Variants in CACNA2D1 observed in about 807,000 individuals in gnomAD.
CACNA2D1 encodes the protein calcium voltage-gated channel auxiliary subunit alpha2delta 1, also known as voltage-dependent calcium channel subunit alpha-2/delta-1.
CACNA2D1 carries 53 observed loss-of-function variants against 171.5 expected under a neutral mutation model. The observed-to-expected ratio is 0.31, with a 90% CI of 0.25 to 0.39. The LOEUF (loss-of-function observed/expected upper bound fraction) is 0.39, where lower values mean the gene tolerates loss of function less well. Ranked by LOEUF, CACNA2D1 falls within the 10% of genes least tolerant of loss-of-function variation. CACNA2D1 has a pLI of 1.00. For synonymous variants in CACNA2D1, 442 were observed against 443.1 expected (o/e 1.00, Z 0.03); for missense variants, 903 against 1,299.8 (o/e 0.69, Z 4.69).
intron 3 of CACNA2D1, among the ~76,000 whole-genome samples, chr7:82,271,604 T>C (rs568704613): frequency 2.0e-5 from 3 of 152,230 alleles, no homozygotes; most frequent in Admixed American, 1.3e-4. Context: ...TATTTTTGAA[T>C]AAATATATTC....
chr7:82,435,328 T>G (rs1188747833), intron 1 of CACNA2D1, among the ~76,000 whole-genome samples: 1 of 152,072 alleles, frequency 6.6e-6, no homozygotes, highest in Non-Finnish European at 1.5e-5. Context: ...TGAGCCACCA[T>G]GCCCGGCCCA....
chr7:82,266,808 C>T (rs573925180), intron 3 of CACNA2D1, among the ~76,000 whole-genome samples: 7 of 152,178 alleles, frequency 4.6e-5, no homozygotes, highest in African/African-American at 1.4e-4. Flanking sequence ...TGAGCCACTG[C>T]ACCCAGCCTC....
chr7:82,250,757 T>C (rs1391632498), intron 3 of CACNA2D1, among the ~76,000 whole-genome samples: 3 of 152,184 alleles, frequency 2.0e-5, no homozygotes, highest in Non-Finnish European at 4.4e-5. Flanking sequence ...CTTTTGTCTG[T>C]TCTTCTTTTC....
intron 4 of CACNA2D1, among the ~76,000 whole-genome samples, chr7:82,153,819 T>C (rs1404070075): frequency 1.3e-5 from 2 of 151,102 alleles, no homozygotes; most frequent in Non-Finnish European, 2.9e-5. Context: ...TTCTAAGATA[T>C]ACAATTCTAC....
At chr7:82,037,051 G>T (rs955537313) in intron 11 of CACNA2D1, among the ~76,000 whole-genome samples, 1 of 152,140 alleles carries the variant, frequency 6.6e-6, no homozygotes, top group African/African-American at 2.4e-5. Context: ...GAGAAGTAAG[G>T]TTCCTACTCT....
chr7:82,347,694 T>C (rs1819398687), intron 2 of CACNA2D1, among the ~76,000 whole-genome samples: 1 of 152,160 alleles, frequency 6.6e-6, no homozygotes, highest in South Asian at 2.1e-4. Context: ...TGAATTCTGC[T>C]CTAATACTCC....
intron 6 of CACNA2D1, among the ~76,000 whole-genome samples, chr7:82,090,698 T>A (rs1811050999): frequency 6.6e-6 from 1 of 152,134 alleles, no homozygotes; most frequent in African/African-American, 2.4e-5. Flanking sequence ...TTTTGGAAAC[T>A]TACTATTCCT....
At chr7:81,983,444 T>C in intron 22 of CACNA2D1, 110 bp from the exon 23 acceptor site, 1 of 825,904 alleles carries the variant, frequency 1.2e-6, no homozygotes, top group Non-Finnish European at 2.0e-6. Context: ...ATAAAAATAT[T>C]GTGCATAGAT....
At chr7:82,037,545 A>C (rs1055920147) in intron 11 of CACNA2D1, among the ~76,000 whole-genome samples, 1 of 152,066 alleles carries the variant, frequency 6.6e-6, no homozygotes, top group Non-Finnish European at 1.5e-5. Flanking sequence ...CAGTCTAGAC[A>C]CTGATGAGTG....
At chr7:82,033,476 T>C (rs1802952299) in intron 11 of CACNA2D1, among the ~76,000 whole-genome samples, 1 of 152,098 alleles carries the variant, frequency 6.6e-6, no homozygotes, top group Non-Finnish European at 1.5e-5. Context: ...AAAATGTGTA[T>C]CTTCAATCCA....
chr7:82,259,049 G>A (rs1433140327), intron 3 of CACNA2D1, among the ~76,000 whole-genome samples: 2 of 152,010 alleles, frequency 1.3e-5, no homozygotes, highest in East Asian at 3.9e-4. Flanking sequence ...GGCTGGTCTT[G>A]AAATCCTGAC....
chr7:82,182,953 C>G (rs184856334), intron 3 of CACNA2D1, among the ~76,000 whole-genome samples: 464 of 151,020 alleles, frequency 3.1e-3, no homozygotes, highest in Non-Finnish European at 5.4e-3. Flanking sequence ...AGGAGAATCA[C>G]GTGAACCTGG....
intron 3 of CACNA2D1, among the ~76,000 whole-genome samples, chr7:82,332,618 A>G (rs897650799): frequency 1.4e-4 from 21 of 152,030 alleles, no homozygotes; most frequent in Admixed American, 3.3e-4. Context: ...ATAGTAAACA[A>G]AAAAACCTGA....
intron 1 of CACNA2D1, among the ~76,000 whole-genome samples, chr7:82,383,422 G>A (rs1202848559): frequency 2.0e-5 from 3 of 152,106 alleles, no homozygotes; most frequent in African/African-American, 7.2e-5. Flanking sequence ...AAATAGAGCA[G>A]CAAAAATGTA....
At chr7:82,308,976 T>G (rs1176590609) in intron 3 of CACNA2D1, among the ~76,000 whole-genome samples, 1 of 152,224 alleles carries the variant, frequency 6.6e-6, no homozygotes, top group African/African-American at 2.4e-5. Context: ...ATTTGGAAGT[T>G]GGCAAATGAG....
At chr7:82,038,029 AC>A in intron 11 of CACNA2D1, 47 bp downstream of exon 11, 4 of 1,569,592 alleles carry the variant, frequency 2.5e-6, no homozygotes, top group Non-Finnish European at 3.5e-6. Context: ...AAATTCAGAT[AC>A]TACAATTGAA....
At chr7:82,017,492 T>C (rs564701390) in intron 12 of CACNA2D1, among the ~76,000 whole-genome samples, 2 of 152,254 alleles carry the variant, frequency 1.3e-5, no homozygotes, top group Admixed American at 1.3e-4. Context: ...CTTGGAATTG[T>C]AAATGGTTTC....
At chr7:82,149,973 C>CATGTGCGT (rs1258186754) in intron 4 of CACNA2D1, among the ~76,000 whole-genome samples, 1 of 151,494 alleles carries the variant, frequency 6.6e-6, no homozygotes, top group Non-Finnish European at 1.5e-5. Flanking sequence ...TGTGTGTGTA[C>CATGTGCGT]ATGTGCGTGT....
At chr7:82,259,980 T>A (rs755168908) in intron 3 of CACNA2D1, among the ~76,000 whole-genome samples, 1 of 152,214 alleles carries the variant, frequency 6.6e-6, no homozygotes, top group Non-Finnish European at 1.5e-5. Context: ...CCCAACACTT[T>A]GGGAGGCTGA....
Sources: allele counts gnomAD v4.1 joint callset (sites outside exome capture counted in the v4.1 genomes callset), GRCh38; gene constraint gnomAD v4.1.1; transcripts MANE v1.5; gene names NCBI Gene and HGNC (gene_info 2026-07-23, HGNC 2026-07-21).